The following GRM3 variants were observed in gnomAD, a reference collection of about 807,000 sequenced individuals.
GRM3 encodes metabotropic glutamate receptor 3.
A neutral mutation model predicts 70.5 loss-of-function variants in GRM3; 26 were observed. The observed-to-expected ratio is 0.37, with a 90% confidence interval of 0.27 to 0.51. The LOEUF is 0.51. Ranked by LOEUF, GRM3 falls within the 20% of genes least tolerant of loss-of-function variation. GRM3 has a pLI of 0.93. For synonymous variants in GRM3, 443 were observed against 434.9 expected (o/e 1.02, Z -0.23); for missense variants, 859 against 1,123.8 (o/e 0.76, Z 3.37).
chr7:86,653,977 C>T (rs954928708), intron 1 of GRM3, among the ~76,000 whole-genome samples: 4 of 152,150 alleles, frequency 2.6e-5, no homozygotes, highest in African/African-American at 9.7e-5. Context: ...ACAACTCTCC[C>T]CACTGCCCTC....
At chr7:86,771,871 C>T (rs982113631) in intron 2 of GRM3, among the ~76,000 whole-genome samples, 1 of 152,070 alleles carries the variant, frequency 6.6e-6, no homozygotes, top group Non-Finnish European at 1.5e-5. Flanking sequence ...GTTGCTTTCT[C>T]ATAGTCTACA....
In GRM3 at chr7:86,653,577, A is replaced by T. The variant is rs114404028; in HGVS notation, c.-141+8705A>T. Among the ~76,000 whole-genome samples the T allele has an allele frequency of 9.1e-3, 1,380 of 152,262 alleles. 16 individuals carry two copies. Among genetic ancestry groups the T allele is most frequent in the African/African-American group, 0.032 (1,318 of 41,548 alleles). On this transcript the variant is annotated intron_variant, in intron 1 of 5. Coordinates refer to ENST00000361669, the MANE Select transcript of GRM3 (RefSeq NM_000840.3). ...TCGTTGTAAAGGAAGTTTTCCTGTTACCTATAGTAAGTTCCCATGAGATAT... is the reference window on the plus strand; with the variant it reads ...TCGTTGTAAAGGAAGTTTTCCTGTTTCCTATAGTAAGTTCCCATGAGATAT...
In GRM3 at chr7:86,690,653, G is replaced by C. The variant is rs557804203; in HGVS notation, c.-141+45781G>C. ...CCATAAGTCTATCTGGGTAGATAGTGACACCATTTACTGGGATTGAGAGTG... is the reference window on the plus strand; with the variant it reads ...CCATAAGTCTATCTGGGTAGATAGTCACACCATTTACTGGGATTGAGAGTG... On this transcript the variant is annotated intron_variant, in intron 1 of 5. Transcript: ENST00000361669. 1.4e-4 allele frequency among the ~76,000 whole-genome samples: 22 copies of C among 152,232 alleles called. No individual in the cohort carries two copies. In the South Asian group the frequency reaches 3.7e-3, roughly 26 times the overall value.
At chr7:86,702,954 A>G (rs971202133) in intron 1 of GRM3, among the ~76,000 whole-genome samples, 4 of 151,966 alleles carry the variant, frequency 2.6e-5, no homozygotes, top group African/African-American at 9.7e-5. Context: ...GAGTCCTAGG[A>G]GATGATTTCC....
At chr7:86,722,347 C>G (rs1175610686) in intron 1 of GRM3, among the ~76,000 whole-genome samples, 2 of 151,854 alleles carry the variant, frequency 1.3e-5, no homozygotes, top group Non-Finnish European at 2.9e-5. Flanking sequence ...GACTTGGAAC[C>G]AACAAAAATG....
At chr7:86,672,628 C>T (rs1206677770) in intron 1 of GRM3, among the ~76,000 whole-genome samples, 2 of 151,810 alleles carry the variant, frequency 1.3e-5, no homozygotes, top group East Asian at 3.9e-4. Flanking sequence ...GAGACCATGG[C>T]TGGCTCCCTT....
chr7:86,709,561 C>A (rs1030010302), intron 1 of GRM3, among the ~76,000 whole-genome samples: 8 of 152,046 alleles, frequency 5.3e-5, no homozygotes, highest in African/African-American at 1.9e-4. Flanking sequence ...CCTTGTGGTA[C>A]CTTCGGGGGG....
At chr7:86,678,743 C>G (rs1252468389) in intron 1 of GRM3, among the ~76,000 whole-genome samples, 1 of 152,008 alleles carries the variant, frequency 6.6e-6, no homozygotes, top group African/African-American at 2.4e-5. Flanking sequence ...ATCTACTGAT[C>G]CTAACATTAT....
chr7:86,689,311 G>T (rs186694955), intron 1 of GRM3, among the ~76,000 whole-genome samples: 1 of 152,008 alleles, frequency 6.6e-6, no homozygotes, highest in East Asian at 1.9e-4. Context: ...GTTAAAATGT[G>T]GGGCAGCGAG....
intron 1 of GRM3, among the ~76,000 whole-genome samples, chr7:86,705,801 G>A (rs1325413978): frequency 6.6e-6 from 1 of 151,984 alleles, no homozygotes; most frequent in African/African-American, 2.4e-5. Flanking sequence ...CATAAATGTT[G>A]CCTGATCAAT....
chr7:86,843,421 T>A (rs999651465), intron 4 of GRM3, among the ~76,000 whole-genome samples: 5 of 152,278 alleles, frequency 3.3e-5, no homozygotes, highest in African/African-American at 1.2e-4. Flanking sequence ...GAAGCTCTTA[T>A]AGGAATTCAA....
intron 1 of GRM3, among the ~76,000 whole-genome samples, chr7:86,752,920 A>G (rs778018549): frequency 1.3e-5 from 2 of 152,064 alleles, no homozygotes; most frequent in Non-Finnish European, 2.9e-5. Context: ...TTCTGGAGAA[A>G]CAGAATATAT....
intron 1 of GRM3, among the ~76,000 whole-genome samples, chr7:86,720,452 T>G (rs1795430789): frequency 6.6e-6 from 1 of 152,006 alleles, no homozygotes; most frequent in African/African-American, 2.4e-5. Context: ...ATAAGTAAAG[T>G]CATGGGAGTG....
chr7:86,793,831 G>T (rs554619034), intron 3 of GRM3, among the ~76,000 whole-genome samples: 1 of 151,882 alleles, frequency 6.6e-6, no homozygotes, highest in East Asian at 1.9e-4. Context: ...TATTATTATT[G>T]TCATTATTAT....
intron 3 of GRM3, among the ~76,000 whole-genome samples, chr7:86,794,700 G>T (rs1434254254): frequency 6.6e-6 from 1 of 152,068 alleles, no homozygotes; most frequent in Non-Finnish European, 1.5e-5. Flanking sequence ...GTCAGTCTAT[G>T]TTTCTTCCCT....
chr7:86,657,467 A>AT (rs1793776419), intron 1 of GRM3, among the ~76,000 whole-genome samples: 1 of 152,230 alleles, frequency 6.6e-6, no homozygotes. Flanking sequence ...TTCTAGACCT[A>AT]TGCAAAAGCA....
chr7:86,756,876 G>A (rs1796358100), intron 1 of GRM3, among the ~76,000 whole-genome samples: 1 of 152,040 alleles, frequency 6.6e-6, no homozygotes, highest in African/African-American at 2.4e-5. Flanking sequence ...AAGATTTGTT[G>A]AATTTCTTTT....
intron 2 of GRM3, among the ~76,000 whole-genome samples, chr7:86,781,632 A>G (rs1007288716): frequency 1.3e-5 from 2 of 152,098 alleles, no homozygotes; most frequent in Non-Finnish European, 2.9e-5. Context: ...TTGAAAAGTC[A>G]CTTCACCCTG....
rs920771944 is a variant in GRM3, at chr7:86,697,554, C to T, written c.-141+52682C>T. ...CTGAAATTTTTGCTTTTTTTCCCCACGTTATCAATTTTCCTAAAAGTGTAA... is the reference window on the plus strand; with the variant it reads ...CTGAAATTTTTGCTTTTTTTCCCCATGTTATCAATTTTCCTAAAAGTGTAA... On this transcript the variant is annotated intron_variant, in intron 1 of 5. Coordinates refer to ENST00000361669, the MANE Select transcript of GRM3 (RefSeq NM_000840.3). Among the ~76,000 whole-genome samples, 20 of 151,874 alleles carry T rather than the reference C, an allele frequency of 1.3e-4. 1 individual carries two copies. The highest frequency in any genetic ancestry group is 4.2e-4 in the South Asian group (2 of 4,814).
Sources: allele counts gnomAD v4.1 joint callset (sites outside exome capture counted in the v4.1 genomes callset), GRCh38; gene constraint gnomAD v4.1.1; transcripts MANE v1.5; gene names NCBI Gene and HGNC (gene_info 2026-07-23, HGNC 2026-07-21).